The following RUFY3 variants were observed in gnomAD, a reference collection of about 807,000 sequenced individuals.
RUFY3 encodes RUN and FYVE domain containing 3.
Under a neutral mutation model 84.0 loss-of-function variants are expected in RUFY3, and 34 were observed. The ratio of observed to expected loss-of-function variants is 0.40; its 90% confidence interval spans 0.31 to 0.54. The LOEUF is 0.54. Ranked by LOEUF, RUFY3 falls within the 20% of genes least tolerant of loss-of-function variation. The pLI, the probability that RUFY3 is intolerant of heterozygous loss-of-function variation, is 0.39. For missense variants in RUFY3, 507 were observed against 736.8 expected, an observed-to-expected ratio of 0.69 and a Z score of 3.61; for synonymous variants, 242 against 252.9, an observed-to-expected ratio of 0.96 and a Z score of 0.41.
chr4:70,752,590 C>T (rs1412228164), intron 1 of RUFY3, among the ~76,000 whole-genome samples: 2 of 152,158 alleles, frequency 1.3e-5, no homozygotes, highest in African/African-American at 4.8e-5. Context: ...AGTTCTTTCT[C>T]TTCCTAGTTT....
intron 8 of RUFY3, 83 bp downstream of exon 8, chr4:70,778,521 G>A (rs2148757931): frequency 1.7e-6 from 1 of 572,994 alleles, no homozygotes; most frequent in Non-Finnish European, 3.2e-6. Flanking sequence ...ACCTTGGAAA[G>A]AAAGAACTTG....
At chr4:70,758,822 G>A (rs747619488) in intron 1 of RUFY3, among the ~76,000 whole-genome samples, 17 of 151,664 alleles carry the variant, frequency 1.1e-4, no homozygotes, top group Non-Finnish European at 2.1e-4. Context: ...GGTAGATCAC[G>A]AGGTCAGGAG....
At chr4:70,794,918 C>G (rs930342836) in intron 14 of RUFY3, 24 bp downstream of exon 14, 1 of 1,457,538 alleles carries the variant, frequency 6.9e-7, no homozygotes, top group Non-Finnish European at 9.6e-7. Context: ...TTCCCTTGTT[C>G]TTTTACTTAA....
At chr4:70,751,928 C>T (rs1175100355) in intron 1 of RUFY3, among the ~76,000 whole-genome samples, 1 of 152,128 alleles carries the variant, frequency 6.6e-6, no homozygotes, top group Admixed American at 6.5e-5. Context: ...TATCCTACCA[C>T]CATTTGTTGC....
intron 13 of RUFY3, 44 bp from the exon 14 acceptor site, chr4:70,794,751 T>C (rs747532990): frequency 2.4e-5 from 31 of 1,292,454 alleles, no homozygotes; most frequent in Non-Finnish European, 3.4e-5. Context: ...TATGTCTGTA[T>C]AGAATTCCAA....
chr4:70,728,626 T>C (rs1233322805), intron 1 of RUFY3, among the ~76,000 whole-genome samples: 2 of 152,222 alleles, frequency 1.3e-5, no homozygotes, highest in East Asian at 3.8e-4. Flanking sequence ...TTTTAAAATA[T>C]AATTTGTGAT....
In RUFY3 at chr4:70,778,322, A is replaced by AT. The variant is rs746859562; in HGVS notation, c.825-45dup. On this transcript the variant is annotated intron_variant, in intron 7 of 17. Coordinates refer to ENST00000381006, the MANE Select transcript of RUFY3 (RefSeq NM_001037442.4). Reference sequence around the variant, plus strand: ...GGGTTTAAAAAGGAAGGTACAGAGTATTGTCTGTTTTTCAAAAGTGACTTT... The same window carrying AT: ...GGGTTTAAAAAGGAAGGTACAGAGTATTTGTCTGTTTTTCAAAAGTGACTTT... 7.4e-6 allele frequency: 7 copies of AT among 940,022 alleles called. No individual in the cohort carries two copies. In the African/African-American group the frequency reaches 1.1e-4, roughly 15 times the overall value. 58.2% of individuals were successfully genotyped at this position (940,022 alleles called of 1,614,324 possible).
At position 70,762,506 on chromosome 4, in the gene RUFY3, C is replaced by T. The variant is rs761306650; in HGVS notation, c.179-13C>T. ...TAGTAACCAGCCTTCATCTTCTTCC[C>T]CTTTGGCTGCAGATCCTAATTATCT... On this transcript the variant is annotated splice_polypyrimidine_tract_variant and intron_variant, in intron 1 of 17. Coordinates refer to ENST00000381006, the MANE Select transcript of RUFY3 (RefSeq NM_001037442.4). The T allele has an allele frequency of 6.3e-7, 1 of 1,591,790 alleles. No homozygotes were observed. The highest frequency in any genetic ancestry group is 1.1e-5 in the South Asian group (1 of 89,292).
At chr4:70,782,002 G>C (rs1254827420) in intron 8 of RUFY3, among the ~76,000 whole-genome samples, 1 of 152,106 alleles carries the variant, frequency 6.6e-6, no homozygotes, top group African/African-American at 2.4e-5. Context: ...ATCTTTTTAG[G>C]TGTTGAAATG....
chr4:70,785,891 C>T (rs1729711198), intron 10 of RUFY3, among the ~76,000 whole-genome samples: 1 of 152,010 alleles, frequency 6.6e-6, no homozygotes, highest in South Asian at 2.1e-4. Flanking sequence ...CCAGCAATCC[C>T]ACTACTGGGG....
chr4:70,787,592 A>G (rs1730117346), intron 10 of RUFY3, among the ~76,000 whole-genome samples: 1 of 152,096 alleles, frequency 6.6e-6, no homozygotes, highest in South Asian at 2.1e-4. Flanking sequence ...ACAAAGCGAT[A>G]TTATTTTGAC....
At chr4:70,710,403 G>T (rs1181534856) in intron 1 of RUFY3, among the ~76,000 whole-genome samples, 1 of 151,238 alleles carries the variant, frequency 6.6e-6, no homozygotes, top group Non-Finnish European at 1.5e-5. Context: ...GGGTGCGGTG[G>T]CTCACGCCTG....
At chr4:70,756,750 A>G (rs558506784) in intron 1 of RUFY3, among the ~76,000 whole-genome samples, 3 of 152,162 alleles carry the variant, frequency 2.0e-5, no homozygotes, top group Non-Finnish European at 4.4e-5. Context: ...TCTCCTATGC[A>G]TATTCCCCTG....
chr4:70,795,684 T>C (rs1215464735), intron 14 of RUFY3, among the ~76,000 whole-genome samples: 1 of 152,172 alleles, frequency 6.6e-6, no homozygotes, highest in Non-Finnish European at 1.5e-5. Context: ...TTCCATCAAG[T>C]TCAAGAGACT....
At chr4:70,792,499 A>C in intron 12 of RUFY3, 1 of 985,088 alleles carries the variant, frequency 1.0e-6, no homozygotes, top group Non-Finnish European at 1.2e-6. Flanking sequence ...TAATCCTATA[A>C]ACAGTTTGAT....
Position 70,771,520 on chromosome 4 carries a change from A to G in RUFY3, c.697-1991A>G, listed in dbSNP as rs574841447. 5.9e-5 allele frequency among the ~76,000 whole-genome samples: 9 copies of G among 152,246 alleles called. No individual in the cohort carries two copies. In the South Asian group the frequency reaches 1.9e-3, roughly 31 times the overall value. On this transcript the variant is annotated intron_variant, in intron 5 of 17. Transcript: ENST00000381006. ...AACACATATTTTGTATATTATAAAT[A>G]GTTATATTTATATTTATTTTATTTT... is the stretch of plus-strand genomic sequence containing the variant.
chr4:70,756,193 T>C (rs955025337), intron 1 of RUFY3, among the ~76,000 whole-genome samples: 7 of 152,288 alleles, frequency 4.6e-5, no homozygotes, highest in East Asian at 1.9e-4. Context: ...TACCCCAGAA[T>C]GTCTCTCCAT....
At chr4:70,761,838 G>A (rs1218062305) in intron 1 of RUFY3, among the ~76,000 whole-genome samples, 2 of 152,182 alleles carry the variant, frequency 1.3e-5, no homozygotes, top group Admixed American at 6.5e-5. Flanking sequence ...TGCAAAGTTT[G>A]TTTAAGCCCT....
At chr4:70,705,324 G>A (rs1433137650) in intron 1 of RUFY3, 8 of 1,324,530 alleles carry the variant, frequency 6.0e-6, no homozygotes, top group South Asian at 1.9e-5. Context: ...GGGGACGCCC[G>A]CGGGGAAGGG....
Sources: allele counts gnomAD v4.1 joint callset (sites outside exome capture counted in the v4.1 genomes callset), GRCh38; gene constraint gnomAD v4.1.1; transcripts MANE v1.5; gene names NCBI Gene and HGNC (gene_info 2026-07-23, HGNC 2026-07-21).